Variants in WDR88 observed in about 807,000 individuals in gnomAD.
The protein encoded by WDR88 is WD repeat domain 88.
A neutral mutation model predicts 46.8 loss-of-function variants in WDR88; 40 were observed. The ratio of observed to expected loss-of-function variants is 0.86; its 90% confidence interval spans 0.66 to 1.11. The LOEUF is 1.11. Among genes scored for constraint, WDR88 ranks in the 50% most tolerant of loss-of-function variants. WDR88 has a pLI of 0.00. For missense variants in WDR88, 562 were observed against 602.4 expected (o/e 0.93, Z 0.70); for synonymous variants, 235 against 240.7 (o/e 0.98, Z 0.22).
chr19:33,133,196 T>TAAATAA (rs1215009794), intron 1 of WDR88, among the ~76,000 whole-genome samples: 25 of 61,808 alleles, frequency 4.0e-4, no homozygotes, highest in African/African-American at 9.0e-4. Context: ...AATAAATAAA[T>TAAATAA]ATAGAGAGAG....
In WDR88 at chr19:33,159,789, G is replaced by A. The variant is rs541016874; in HGVS notation, c.998-625G>A. ...AGGATGGTTTCGGGATGACCCAAGT[G>A]TATTACATTTATTGTGCCCTTTATT... On this transcript the variant is annotated intron_variant, in intron 7 of 10. Transcript: ENST00000355868. Among the ~76,000 whole-genome samples the A allele has an allele frequency of 6.6e-5, 10 of 152,154 alleles. No individual in the cohort carries two copies. The South Asian group carries it at 1.7e-3, about 25-fold the overall frequency.
intron 3 of WDR88, 141 bp downstream of exon 3, chr19:33,145,073 G>A (rs1973484426): frequency 8.9e-6 from 7 of 782,908 alleles, no homozygotes; most frequent in South Asian, 1.6e-5. Context: ...TCTCGAACCT[G>A]TGGTCTCAAG....
chr19:33,166,038 T>C (rs972525064), intron 9 of WDR88, among the ~76,000 whole-genome samples: 1 of 151,600 alleles, frequency 6.6e-6, no homozygotes, highest in Admixed American at 6.6e-5. Flanking sequence ...GGTGGGAGGA[T>C]CGCTTAAGTC....
chr19:33,172,331 T>C lies in WDR88; in HGVS notation c.1150-17T>C. The C allele has an allele frequency of 6.2e-7, 1 of 1,601,774 alleles. No individual in the cohort carries two copies. The highest frequency in any genetic ancestry group is 8.5e-7 in the Non-Finnish European group (1 of 1,171,094). On this transcript the variant is annotated splice_polypyrimidine_tract_variant and intron_variant, in intron 9 of 10. Transcript: ENST00000355868. ...CCACAGCCTGTTTTGTGACCGCTGG[T>C]TTGCTATTTGTTTTAGGATAGGACC...
In WDR88 at chr19:33,160,535, C is replaced by A. The variant is rs1291455731; in HGVS notation, c.1080+39C>A. On this transcript the variant is annotated intron_variant, in intron 8 of 10. Coordinates refer to ENST00000355868, the MANE Select transcript of WDR88 (RefSeq NM_173479.4). ...GCATGAGATTGAGGATCTGAACTTC[C>A]CTCCCGAGTCCTTCCTGTGCTCAAT... 2.5e-6 allele frequency: 4 copies of A among 1,603,032 alleles called. No homozygotes were observed. The African/African-American group carries it at 4.0e-5, about 16-fold the overall frequency.
intron 9 of WDR88, among the ~76,000 whole-genome samples, chr19:33,167,150 A>T (rs1039815632): frequency 1.3e-5 from 2 of 152,212 alleles, no homozygotes; most frequent in Non-Finnish European, 2.9e-5. Context: ...ATTAATATAG[A>T]TGCAAATATG....
Position 33,144,916 on chromosome 19 carries a change from A to T in WDR88, c.460A>T (p.Thr154Ser). Residue 154 changes from threonine (T) to serine (S), a missense_variant, in exon 3 of 11, where the codon ACC becomes TCC. By Grantham distance (58) the Thr-to-Ser change is moderately conservative (BLOSUM62 1). Transcript: ENST00000355868. ...PKAPVVECSITGDSSRVIAAS... is the reference protein window; with the variant it reads ...PKAPVVECSISGDSSRVIAAS... ...AGCTCCTGTTGTAGAGTGCAGCATCACCGGCGACAGCAGCAGGTGACCTTT... is the reference window on the plus strand; with the variant it reads ...AGCTCCTGTTGTAGAGTGCAGCATCTCCGGCGACAGCAGCAGGTGACCTTT... 1 of 1,613,418 alleles carries T rather than the reference A, an allele frequency of 6.2e-7. No homozygotes were observed. The highest frequency in any genetic ancestry group is 8.5e-7 in the Non-Finnish European group (1 of 1,179,768).
intron 2 of WDR88, among the ~76,000 whole-genome samples, chr19:33,143,460 A>G (rs1392058458): frequency 1.3e-5 from 2 of 151,672 alleles, no homozygotes; most frequent in Non-Finnish European, 2.9e-5. Flanking sequence ...CCTGGGTAAT[A>G]TAGTGAGACC....
chr19:33,150,031 A>G (rs1011840264), intron 5 of WDR88, among the ~76,000 whole-genome samples: 1 of 152,140 alleles, frequency 6.6e-6, no homozygotes, highest in Non-Finnish European at 1.5e-5. Context: ...TGATGATGAT[A>G]CCACATGTTC....
intron 3 of WDR88, among the ~76,000 whole-genome samples, chr19:33,146,458 TC>T (rs869158051): frequency 0.27 from 29,118 of 107,944 alleles, 3,319 homozygotes; most frequent in African/African-American, 0.39. Context: ...CTTCCTTCCT[TC>T]CTTCTTTCCT....
In WDR88 at chr19:33,175,680, C is replaced by A; in HGVS notation, c.*108C>A. ...CCCCTCCCAGGCTCAGCAGGCCTGTCAGACTGGGGCAGGACCCAAGCCCTG... is the reference window on the plus strand; with the variant it reads ...CCCCTCCCAGGCTCAGCAGGCCTGTAAGACTGGGGCAGGACCCAAGCCCTG... On this transcript the variant is annotated 3_prime_UTR_variant, in exon 11 of 11. Transcript: ENST00000355868. 7.4e-7 allele frequency: 1 copy of A among 1,360,032 alleles called. No homozygotes were observed. The highest frequency in any genetic ancestry group is 1.0e-6 in the Non-Finnish European group (1 of 983,868). The allele number at this position is 1,360,032 out of a possible 1,614,324, so 84.2% of individuals were successfully genotyped here. A position where few individuals can be genotyped will look rare whatever the true frequency, so the allele number is the denominator to read the frequency against.
chr19:33,156,714 C>CA (rs952331766), intron 7 of WDR88, among the ~76,000 whole-genome samples, 172 bp downstream of exon 7: 3 of 152,156 alleles, frequency 2.0e-5, no homozygotes, highest in African/African-American at 7.2e-5. Flanking sequence ...TACCAGTTTA[C>CA]AGTGGTAGAA....
At chr19:33,166,700 C>T (rs559756689) in intron 9 of WDR88, among the ~76,000 whole-genome samples, 22 of 152,104 alleles carry the variant, frequency 1.4e-4, no homozygotes, top group Non-Finnish European at 2.8e-4. Context: ...CTGCTTGAGC[C>T]CAGGGGTTTG....
At chr19:33,153,068 C>T (rs1973665601) in intron 6 of WDR88, among the ~76,000 whole-genome samples, 1 of 150,240 alleles carries the variant, frequency 6.7e-6, no homozygotes, top group African/African-American at 2.5e-5. Context: ...TATTTGATTT[C>T]GAGACAGAGT....
chr19:33,157,732 TATATA>T (rs1973788356), intron 7 of WDR88, among the ~76,000 whole-genome samples: 2 of 57,668 alleles, frequency 3.5e-5, no homozygotes, highest in Non-Finnish European at 5.2e-5. Context: ...TATATATATA[TATATA>T]AAATTAAAGA....
chr19:33,165,380 T>C (rs1001545403), intron 9 of WDR88, among the ~76,000 whole-genome samples: 2 of 151,966 alleles, frequency 1.3e-5, no homozygotes, highest in African/African-American at 4.8e-5. Flanking sequence ...AACAAACCCA[T>C]AATAATACAA....
intron 7 of WDR88, among the ~76,000 whole-genome samples, chr19:33,157,619 A>G (rs1372011730): frequency 6.9e-6 from 1 of 144,460 alleles, no homozygotes; most frequent in Non-Finnish European, 1.5e-5. Flanking sequence ...ATATGTGTAT[A>G]TATATATGTA....
At chr19:33,137,605 T>C in intron 1 of WDR88, 72 bp from the exon 2 acceptor site, 2 of 1,336,274 alleles carry the variant, frequency 1.5e-6, no homozygotes, top group Non-Finnish European at 2.1e-6. Context: ...TGTTTAGAAA[T>C]ATAATTAACT....
chr19:33,136,836 C>A (rs1222319531), intron 1 of WDR88, among the ~76,000 whole-genome samples: 3 of 152,166 alleles, frequency 2.0e-5, no homozygotes, highest in Non-Finnish European at 2.9e-5. Flanking sequence ...TTCAGCCTCC[C>A]AAAGTGCTGA....
Sources: allele counts gnomAD v4.1 joint callset (sites outside exome capture counted in the v4.1 genomes callset), GRCh38; gene constraint gnomAD v4.1.1; transcripts MANE v1.5; gene names NCBI Gene and HGNC (gene_info 2026-07-23, HGNC 2026-07-21).